The following SMARCA2 variants were observed in gnomAD, a reference collection of about 807,000 sequenced individuals.
SMARCA2 encodes SWI/SNF-related matrix-associated actin-dependent regulator of chromatin subfamily A member 2.
SMARCA2 carries 61 observed loss-of-function variants against 199.8 expected under a neutral mutation model. The observed-to-expected ratio is 0.31, with a 90% CI of 0.25 to 0.38. The LOEUF (loss-of-function observed/expected upper bound fraction) is 0.38, where lower values mean the gene tolerates loss of function less well. Among genes scored for constraint, SMARCA2 ranks in the 10% least tolerant of loss-of-function variants. SMARCA2 has a pLI of 1.00. For synonymous variants in SMARCA2, 935 were observed against 732.0 expected (o/e 1.28, Z -4.48); for missense variants, 1,344 against 2,012.2 (o/e 0.67, Z 6.35).
rs1281102243 is a variant in SMARCA2 at position 2,103,864 on chromosome 9, C to T, written c.3126-139C>T. The T allele has an allele frequency of 6.5e-6, 4 of 616,262 alleles. No individual in the cohort carries two copies. In the East Asian group the frequency reaches 8.5e-5, roughly 13 times the overall value. The allele number at this position is 616,262 out of a possible 1,614,324, so 38.2% of individuals were successfully genotyped here. A position where few individuals can be genotyped will look rare whatever the true frequency, so the allele number is the denominator to read the frequency against. ...TTCTCATTGCTTTGGAGTTCATATT[C>T]ATTCATTCATTCATTTCACAGTTAC... On this transcript the variant is annotated intron_variant, in intron 22 of 33. Coordinates refer to ENST00000349721, the MANE Select transcript of SMARCA2 (RefSeq NM_003070.5).
At chr9:2,061,145 A>G in intron 9 of SMARCA2, 159 bp downstream of exon 9, 4 of 655,892 alleles carry the variant, frequency 6.1e-6, no homozygotes. Context: ...GGAAGTGTTG[A>G]TTAGGTACAC....
chr9:2,161,691 C>T lies in SMARCA2; in HGVS notation c.3987C>T (p.Ile1329=), dbSNP rs779830008. ...ALTEKQWLRA[I]EDGNLEEMEE... ...CCTTTGTTTCCAACGAACAGGCCATCGAAGACGGCAATTTGGAGGAAATGG... is the reference window on the plus strand; with the variant it reads ...CCTTTGTTTCCAACGAACAGGCCATTGAAGACGGCAATTTGGAGGAAATGG... Residue 1329 remains isoleucine (I), a synonymous_variant, in exon 28 of 34, where the codon ATC becomes ATT. Coordinates refer to ENST00000349721, the MANE Select transcript of SMARCA2 (RefSeq NM_003070.5). The surrounding 1 kb of genome is among the most constrained non-coding windows in gnomAD (Gnocchi z 4.7). 9 of 1,612,590 alleles carry T rather than the reference C, an allele frequency of 5.6e-6. No homozygotes were observed. Among genetic ancestry groups the T allele is most frequent in the Middle Eastern group, 1.7e-4 (1 of 6,058 alleles).
rs1236754618 is a variant in SMARCA2 at position 2,170,559 on chromosome 9, GAA to G, written c.4253+88_4253+89del. 1 of 1,604,496 alleles carries G rather than the reference GAA, an allele frequency of 6.2e-7. No individual in the cohort carries two copies. The highest frequency in any genetic ancestry group is 8.5e-7 in the Non-Finnish European group (1 of 1,174,280). On this transcript the variant is annotated intron_variant, in intron 29 of 33. Coordinates refer to ENST00000349721, the MANE Select transcript of SMARCA2 (RefSeq NM_003070.5). The surrounding 1 kb of genome is among the most constrained non-coding windows in gnomAD (Gnocchi z 4.7). ...GATTGAATCATATAATCGGCCTTTG[GAA>G]GCAAATTTCTTCGGTCACCTCCTGA...
chr9:2,137,096 CA>C (rs1336514739), intron 27 of SMARCA2, among the ~76,000 whole-genome samples: 3 of 151,822 alleles, frequency 2.0e-5, no homozygotes, highest in African/African-American at 7.3e-5. Flanking sequence ...CTACTTGGCC[CA>C]AAATGAAAAA....
chr9:2,136,129 C>A (rs1054149826), intron 27 of SMARCA2, among the ~76,000 whole-genome samples: 1 of 151,274 alleles, frequency 6.6e-6, no homozygotes, highest in African/African-American at 2.4e-5. Flanking sequence ...CATGAGCCAT[C>A]GTGCCTGGCA....
intron 1 of SMARCA2, among the ~76,000 whole-genome samples, chr9:2,022,355 C>T (rs60523594): frequency 6.6e-6 from 1 of 152,148 alleles, no homozygotes; most frequent in African/African-American, 2.4e-5. Context: ...AAGTTGTAGT[C>T]AGCTACTGTT....
chr9:2,162,767 G>A (rs890039916), intron 28 of SMARCA2: 22 of 152,228 alleles, frequency 1.4e-4, no homozygotes, highest in African/African-American at 5.1e-4. Flanking sequence ...TTCTTAAGGG[G>A]GTGCATCATT....
At chr9:2,165,278 C>G (rs1363193425) in intron 28 of SMARCA2, among the ~76,000 whole-genome samples, 1 of 152,200 alleles carries the variant, frequency 6.6e-6, no homozygotes, top group Non-Finnish European at 1.5e-5. Context: ...TTAATTAGCT[C>G]TCATGAGACA....
At chr9:2,114,822 G>A (rs1224124132) in intron 24 of SMARCA2, among the ~76,000 whole-genome samples, 2 of 152,072 alleles carry the variant, frequency 1.3e-5, no homozygotes, top group Non-Finnish European at 2.9e-5. Context: ...TTATCACCTG[G>A]AGATTTACGT....
At chr9:2,103,090 C>T (rs149046261) in intron 22 of SMARCA2, among the ~76,000 whole-genome samples, 1 of 152,180 alleles carries the variant, frequency 6.6e-6, no homozygotes, top group East Asian at 1.9e-4. Context: ...CACCTGGATG[C>T]CTTTTTACTC....
chr9:2,087,312 G>C (rs755316152), intron 18 of SMARCA2: 17 of 508,758 alleles, frequency 3.3e-5, no homozygotes, highest in Non-Finnish European at 4.9e-5. Flanking sequence ...ATGTTTACCA[G>C]GCTACCAGAA....
At chr9:2,077,495 A>G (rs1013500410) in intron 13 of SMARCA2, 134 bp from the exon 14 acceptor site, 28 of 785,544 alleles carry the variant, frequency 3.6e-5, no homozygotes, top group Admixed American at 9.8e-5. Context: ...TATTAACTGC[A>G]TGGCAAGTCG....
intron 28 of SMARCA2, among the ~76,000 whole-genome samples, chr9:2,163,572 C>T (rs1218971275): frequency 1.3e-5 from 2 of 152,208 alleles, no homozygotes; most frequent in Non-Finnish European, 2.9e-5. Flanking sequence ...CGTATTTTCT[C>T]AGTCCCTGGT....
At chr9:2,022,951 T>G (rs1470654398) in intron 1 of SMARCA2, among the ~76,000 whole-genome samples, 2 of 152,220 alleles carry the variant, frequency 1.3e-5, no homozygotes, top group Non-Finnish European at 2.9e-5. Context: ...TTATAACTAC[T>G]AATGGACATG....
Position 2,126,243 on chromosome 9 carries a change from G to A in SMARCA2, c.3981+2306G>A, listed in dbSNP as rs574933701. 2.0e-5 allele frequency among the ~76,000 whole-genome samples: 3 copies of A among 152,338 alleles called. No homozygotes were observed. In the East Asian group the frequency reaches 5.8e-4, roughly 29 times the overall value. On this transcript the variant is annotated intron_variant, in intron 27 of 33. Transcript: ENST00000349721. ...GTTTTTATAATTGTAATTCTGAAAT[G>A]CCATGCAACATACTAAGTCATCCAA...
At chr9:2,091,349 G>C (rs1415150074) in intron 19 of SMARCA2, among the ~76,000 whole-genome samples, 1 of 152,036 alleles carries the variant, frequency 6.6e-6, no homozygotes, top group African/African-American at 2.4e-5. Flanking sequence ...CCAAAATGTC[G>C]TATGAGTAGA....
intron 21 of SMARCA2, 54 bp downstream of exon 21, chr9:2,097,525 G>A: frequency 2.1e-6 from 2 of 952,916 alleles, no homozygotes; most frequent in South Asian, 1.5e-5. Flanking sequence ...ACTAATGCTA[G>A]TTAAAAAAAA....
At chr9:2,043,661 G>T (rs1436251693) in intron 4 of SMARCA2, 1 of 152,072 alleles carries the variant, frequency 6.6e-6, no homozygotes, top group Non-Finnish European at 1.5e-5. Context: ...TCTTTTATTT[G>T]CATGAATGTC....
At chr9:2,141,682 C>T (rs1271998289) in intron 27 of SMARCA2, among the ~76,000 whole-genome samples, 6 of 152,018 alleles carry the variant, frequency 3.9e-5, no homozygotes, top group African/African-American at 1.5e-4. Context: ...TTTTTATTCA[C>T]TATGTAGTTG....
Sources: gnomAD v4.1 joint callset for allele counts (sites outside exome capture counted in the v4.1 genomes callset) on GRCh38, gnomAD v4.1.1 for gene constraint, Gnocchi (gnomAD v3.1) non-coding constraint, MANE v1.5 for transcripts, NCBI Gene and HGNC (gene_info 2026-07-23, HGNC 2026-07-21) for gene names.